The following SDK1 variants were observed in gnomAD, a reference collection of about 807,000 sequenced individuals.
The protein encoded by SDK1 is sidekick cell adhesion molecule 1, also known as protein sidekick-1.
In SDK1, 157 loss-of-function variants were observed where a neutral mutation model predicts 245.5. The observed-to-expected ratio is 0.64, with a 90% CI of 0.56 to 0.73. The LOEUF is 0.73. SDK1 is among the 30% of genes least tolerant of loss of function. SDK1 has a pLI of 0.00. For synonymous variants in SDK1, 1,647 were observed against 1,278.5 expected (o/e 1.29, Z -6.15); for missense variants, 3,583 against 3,002.3 (o/e 1.19, Z -4.52).
At chr7:3,540,721 A>G (rs1779030910) in intron 1 of SDK1, among the ~76,000 whole-genome samples, 1 of 152,198 alleles carries the variant, frequency 6.6e-6, no homozygotes, top group Non-Finnish European at 1.5e-5. Context: ...CTTGGACCAA[A>G]CTTGCTTTTA....
At chr7:4,169,941 T>A (rs1781735630) in intron 32 of SDK1, among the ~76,000 whole-genome samples, 1 of 152,176 alleles carries the variant, frequency 6.6e-6, no homozygotes, top group Non-Finnish European at 1.5e-5. Flanking sequence ...CAAACGGCCA[T>A]GGAGAACACT....
chr7:3,516,201 A>G (rs1017657982), intron 1 of SDK1, among the ~76,000 whole-genome samples: 1 of 151,408 alleles, frequency 6.6e-6, no homozygotes, highest in South Asian at 2.1e-4. Flanking sequence ...ACACACCTAT[A>G]TAATGTATAA....
At chr7:3,741,293 C>G (rs1433060279) in intron 4 of SDK1, among the ~76,000 whole-genome samples, 1 of 152,170 alleles carries the variant, frequency 6.6e-6, no homozygotes, top group Non-Finnish European at 1.5e-5. Flanking sequence ...CCCTGTCAGC[C>G]CACCTCCCTC....
intron 1 of SDK1, among the ~76,000 whole-genome samples, chr7:3,346,827 A>ATATATATATT (rs1228887289): frequency 6.1e-5 from 1 of 16,386 alleles, no homozygotes; most frequent in African/African-American, 2.3e-4. Context: ...ATATATATAT[A>ATATATATATT]TTTTTTTTTT....
intron 4 of SDK1, among the ~76,000 whole-genome samples, chr7:3,756,990 A>G (rs1399352026): frequency 1.3e-5 from 2 of 151,840 alleles, no homozygotes; most frequent in Non-Finnish European, 2.9e-5. Flanking sequence ...TCCGTATCCT[A>G]TTCTTGAAAG....
rs1409533724 is a variant in SDK1 at position 4,088,252 on chromosome 7, T to C, written c.3324+8668T>C. Among the ~76,000 whole-genome samples the C allele has an allele frequency of 3.3e-5, 5 of 152,262 alleles. No homozygotes were observed. The East Asian group carries it at 7.7e-4, about 23-fold the overall frequency. Reference sequence around the variant, plus strand: ...TGTAATTTTCTATAAAGAATTCATATCATCTGTTAATGGCGACAGTTTTTG... The same window carrying C: ...TGTAATTTTCTATAAAGAATTCATACCATCTGTTAATGGCGACAGTTTTTG... On this transcript the variant is annotated intron_variant, in intron 22 of 44. Transcript: ENST00000404826.
At chr7:3,534,030 G>T (rs1463608949) in intron 1 of SDK1, among the ~76,000 whole-genome samples, 1 of 152,060 alleles carries the variant, frequency 6.6e-6, no homozygotes, top group East Asian at 1.9e-4. Flanking sequence ...TGCTTTATTG[G>T]AACTTTTTAC....
intron 1 of SDK1, among the ~76,000 whole-genome samples, chr7:3,319,573 A>G (rs1022462979): frequency 1.1e-4 from 17 of 152,000 alleles, no homozygotes; most frequent in African/African-American, 4.1e-4. Flanking sequence ...TGATACATAT[A>G]TGTACTCTTT....
At chr7:3,966,507 G>A (rs749914919) in intron 9 of SDK1, among the ~76,000 whole-genome samples, 1 of 151,972 alleles carries the variant, frequency 6.6e-6, no homozygotes, top group Admixed American at 6.6e-5. Flanking sequence ...GCTCGGGGCC[G>A]TGACCATCCC....
chr7:3,459,221 C>A lies in SDK1; in HGVS notation c.298+157337C>A, dbSNP rs115040209. On this transcript the variant is annotated intron_variant, in intron 1 of 44. Transcript: ENST00000404826. Reference sequence around the variant, plus strand: ...TGTCTATTCTTTGAAGTACCTTGTTCATTTCATAGGAATTTGGTACTGTAT... The same window carrying A: ...TGTCTATTCTTTGAAGTACCTTGTTAATTTCATAGGAATTTGGTACTGTAT... Among the ~76,000 whole-genome samples the A allele has an allele frequency of 3.9e-3, 591 of 152,242 alleles. 4 individuals carry two copies. The highest frequency in any genetic ancestry group is 0.014 in the African/African-American group (563 of 41,556).
At chr7:4,080,507 T>C (rs1780987360) in intron 22 of SDK1, among the ~76,000 whole-genome samples, 2 of 152,158 alleles carry the variant, frequency 1.3e-5, no homozygotes, top group Non-Finnish European at 2.9e-5. Context: ...CTCCTGGAAA[T>C]TGGCCGTAAA....
intron 4 of SDK1, among the ~76,000 whole-genome samples, chr7:3,811,804 C>A (rs1342403545): frequency 6.6e-6 from 1 of 152,240 alleles, no homozygotes; most frequent in Non-Finnish European, 1.5e-5. Context: ...GCAGAAGCAG[C>A]CATTCTGTTC....
chr7:3,807,438 A>T lies in SDK1; in HGVS notation c.714-14012A>T, dbSNP rs1002731623. Among the ~76,000 whole-genome samples, 4 of 152,208 alleles carry T rather than the reference A, an allele frequency of 2.6e-5. No homozygotes were observed. In the East Asian group the frequency reaches 7.7e-4, roughly 29 times the overall value. ...AATGCCAGGGGCTGCCTCAAGCCCAAAGATTCAGAAAATCTACCCCTGCAT... is the reference window on the plus strand; with the variant it reads ...AATGCCAGGGGCTGCCTCAAGCCCATAGATTCAGAAAATCTACCCCTGCAT... On this transcript the variant is annotated intron_variant, in intron 4 of 44. Coordinates refer to ENST00000404826, the MANE Select transcript of SDK1 (RefSeq NM_152744.4).
chr7:3,825,637 C>G (rs1031878541), intron 5 of SDK1, among the ~76,000 whole-genome samples: 5 of 152,196 alleles, frequency 3.3e-5, no homozygotes, highest in Non-Finnish European at 7.3e-5. Flanking sequence ...CTGAAGACCA[C>G]TTAACATTCT....
intron 1 of SDK1, among the ~76,000 whole-genome samples, chr7:3,494,179 T>C (rs903737967): frequency 6.6e-6 from 1 of 152,210 alleles, no homozygotes; most frequent in Non-Finnish European, 1.5e-5. Flanking sequence ...TATAAAGCCA[T>C]TTTTTATTTC....
intron 14 of SDK1, among the ~76,000 whole-genome samples, chr7:3,991,239 G>A (rs533788525): frequency 6.6e-6 from 1 of 152,308 alleles, no homozygotes; most frequent in African/African-American, 2.4e-5. Context: ...CCCAGGCTCA[G>A]TGGGAAACAA....
chr7:3,330,373 G>A (rs1394362461), intron 1 of SDK1, among the ~76,000 whole-genome samples: 1 of 152,120 alleles, frequency 6.6e-6, no homozygotes, highest in African/African-American at 2.4e-5. Context: ...TGGTTTAAAT[G>A]TGTTCCCTAA....
At chr7:3,544,554 T>G (rs1440240602) in intron 1 of SDK1, among the ~76,000 whole-genome samples, 1 of 152,242 alleles carries the variant, frequency 6.6e-6, no homozygotes, top group Non-Finnish European at 1.5e-5. Context: ...CAAAGTAGCG[T>G]TTAGATTTTA....
In SDK1 at chr7:4,139,567, G is replaced by A. The variant is rs1325846046; in HGVS notation, c.4229-6155G>A. The stretch of plus-strand genomic sequence containing the variant: ...TGTGTGTGTATATGTATATATGTGT[G>A]TATATGTGTGTGTGTATGTGTGTGT... On this transcript the variant is annotated intron_variant, in intron 28 of 44. Coordinates refer to ENST00000404826, the MANE Select transcript of SDK1 (RefSeq NM_152744.4). 3.7e-3 allele frequency among the ~76,000 whole-genome samples: 46 copies of A among 12,282 alleles called. 5 individuals are homozygous for A. Among genetic ancestry groups the A allele is most frequent in the African/African-American group, 0.016 (46 of 2,904 alleles). The allele number at this position is 12,282 out of a possible 152,430, so 8.1% of individuals were successfully genotyped here.
Sources: allele counts gnomAD v4.1 joint callset (sites outside exome capture counted in the v4.1 genomes callset), GRCh38; gene constraint gnomAD v4.1.1; transcripts MANE v1.5; gene names NCBI Gene and HGNC (gene_info 2026-07-23, HGNC 2026-07-21).